The following WSB1 variants were observed in gnomAD, a reference collection of about 807,000 sequenced individuals.
WSB1 encodes the protein WD repeat and SOCS box-containing protein 1.
A neutral mutation model predicts 50.2 loss-of-function variants in WSB1; 23 were observed. The observed-to-expected ratio is 0.46, with a 90% CI of 0.33 to 0.65. The LOEUF (loss-of-function observed/expected upper bound fraction) is 0.65. Ranked by LOEUF, WSB1 falls within the 30% of genes least tolerant of loss-of-function variation. The pLI is 0.02. For synonymous variants in WSB1, 179 were observed against 172.0 expected, an observed-to-expected ratio of 1.04 and a Z score of -0.32; for missense variants, 492 against 522.3, an observed-to-expected ratio of 0.94 and a Z score of 0.56.
intron 4 of WSB1, among the ~76,000 whole-genome samples, chr17:27,305,274 T>C (rs1018677133): frequency 6.6e-6 from 1 of 152,372 alleles, no homozygotes; most frequent in South Asian, 2.1e-4. Flanking sequence ...AGTGAAAATT[T>C]AGGTAGGTCT....
chr17:27,305,946 C>T (rs2017432408), intron 4 of WSB1, among the ~76,000 whole-genome samples: 1 of 152,072 alleles, frequency 6.6e-6, no homozygotes. Context: ...GCCTTATTTC[C>T]AGTTATATCC....
intron 3 of WSB1, among the ~76,000 whole-genome samples, chr17:27,304,574 T>C (rs2017369449): frequency 9.1e-6 from 1 of 110,334 alleles, no homozygotes; most frequent in Non-Finnish European, 1.7e-5. Context: ...AGGCCAGCCG[T>C]GGTGACTTGT....
In WSB1 at chr17:27,301,918, A is replaced by C; in HGVS notation, c.171A>C (p.Thr57=). The change falls in exon 2 of 9, where the codon ACA becomes ACC. Residue 57 remains threonine (T), a synonymous_variant. Transcript: ENST00000262394. ...TTGCTTGGTCACAAGGACATCGCAC[A>C]GTAAAGCTTGTTCCGTGGTCCCAGT... The part of the protein sequence containing the change: ...SYFAWSQGHR[T]VKLVPWSQCL... 6 of 1,608,154 alleles carry C rather than the reference A, an allele frequency of 3.7e-6. No homozygotes were observed. Among genetic ancestry groups the C allele is most frequent in the South Asian group, 1.1e-5 (1 of 90,142 alleles).
Position 27,309,973 on chromosome 17 carries a change from C to G in WSB1, c.885-88C>G, listed in dbSNP as rs554388542. The G allele has an allele frequency of 7.2e-5, 71 of 981,220 alleles. No individual in the cohort carries two copies. The South Asian group carries it at 9.7e-4, about 13-fold the overall frequency. 60.8% of individuals were successfully genotyped at this position (981,220 alleles called of 1,614,324 possible). On this transcript the variant is annotated intron_variant, in intron 6 of 8. Transcript: ENST00000262394. The stretch of plus-strand genomic sequence containing the variant: ...ATATTAATTAAGGCTACTTTAAACA[C>G]TATTCAAAGACAGATGTACTTTGTA...
At chr17:27,307,737 G>A in intron 5 of WSB1, 1 of 1,534,550 alleles carries the variant, frequency 6.5e-7, no homozygotes, top group East Asian at 2.5e-5. Flanking sequence ...TGCTTTCCCT[G>A]TCACAGGTGG....
intron 1 of WSB1, among the ~76,000 whole-genome samples, chr17:27,295,183 C>G (rs1364229460): frequency 6.6e-6 from 1 of 152,208 alleles, no homozygotes; most frequent in Non-Finnish European, 1.5e-5. Flanking sequence ...TTTAAATCCT[C>G]TTTTAAAGTA....
chr17:27,312,305 C>T lies in WSB1; in HGVS notation c.1202C>T (p.Thr401Ile), dbSNP rs747993316. The change falls in exon 9 of 9, where the codon ACC becomes ATC. Residue 401 changes from threonine (T) to isoleucine (I), a missense_variant. Physicochemically the swap from Thr to Ile is moderately conservative, Grantham distance 89 (BLOSUM62 -1). Coordinates refer to ENST00000262394, the MANE Select transcript of WSB1 (RefSeq NM_015626.10). ...ATGTCAATCCGAAGAGTGATGCCCA[C>T]CCAAGAAGTTCAGGAGCTGCCGATT... ...CRMSIRRVMP[T>I]QEVQELPIPS... 1.2e-6 allele frequency: 2 copies of T among 1,614,146 alleles called. No individual in the cohort carries two copies. Among genetic ancestry groups the T allele is most frequent in the Non-Finnish European group, 1.7e-6 (2 of 1,180,024 alleles).
Position 27,314,330 on chromosome 17 carries a change from T to G in WSB1, c.*1961T>G, listed in dbSNP as rs1252169862. Reference sequence around the variant, plus strand: ...TGGCCCACACCTATAATCCCAGCACTTTGGGAGGCCAAGGCAGGTGGGTCA... The same window carrying G: ...TGGCCCACACCTATAATCCCAGCACGTTGGGAGGCCAAGGCAGGTGGGTCA... On this transcript the variant is annotated 3_prime_UTR_variant, in exon 9 of 9. Coordinates refer to ENST00000262394, the MANE Select transcript of WSB1 (RefSeq NM_015626.10). 6.6e-6 allele frequency: 1 copy of G among 152,168 alleles called. No homozygotes were observed. Among genetic ancestry groups the G allele is most frequent in the East Asian group, 1.9e-4 (1 of 5,192 alleles). The allele number at this position is 152,168 out of a possible 1,614,324, so 9.4% of individuals were successfully genotyped here.
At chr17:27,302,644 C>T (rs559118167) in intron 2 of WSB1, 2 of 152,082 alleles carry the variant, frequency 1.3e-5, no homozygotes, top group Non-Finnish European at 1.5e-5. Flanking sequence ...AGGCTGGTCT[C>T]GAACTCCTGA....
intron 1 of WSB1, among the ~76,000 whole-genome samples, chr17:27,297,970 G>A (rs768250512): frequency 1.2e-4 from 18 of 151,812 alleles, no homozygotes; most frequent in African/African-American, 3.1e-4. Context: ...TTAGCTGGGC[G>A]TGGTGGTGGG....
intron 1 of WSB1, among the ~76,000 whole-genome samples, chr17:27,301,470 A>G (rs557507708): frequency 6.0e-4 from 92 of 152,368 alleles, no homozygotes; most frequent in African/African-American, 2.1e-3. Context: ...AATACAATGC[A>G]AAAGTTAGGA....
At chr17:27,307,929 G>A in intron 5 of WSB1, 3 of 1,249,266 alleles carry the variant, frequency 2.4e-6, no homozygotes, top group Non-Finnish European at 2.0e-6. Flanking sequence ...GGTGCTGGTC[G>A]ATGTCCACTT....
intron 2 of WSB1, chr17:27,302,327 C>T (rs1479017416): frequency 2.6e-5 from 4 of 154,436 alleles, no homozygotes; most frequent in Non-Finnish European, 4.2e-5. Context: ...AGAAGAATTG[C>T]TTGAACCCAG....
Position 27,311,631 on chromosome 17 carries a change from CTCTTTTTTTTTTTTTTT to C in WSB1, c.1106+17_1106+33del. On this transcript the variant is annotated intron_variant, in intron 8 of 8. Transcript: ENST00000262394. ...TTAGCTGCTGGGTAAATATATTTTT[CTCTTTTTTTTTTTTTTT>C]TTTTTTTTTTTGAGATGTAGTCTCC... 1 of 537,248 alleles carries C rather than the reference CTCTTTTTTTTTTTTTTT, an allele frequency of 1.9e-6. No homozygotes were observed. The highest frequency in any genetic ancestry group is 4.2e-5 in the East Asian group (1 of 23,836). The allele number at this position is 537,248 out of a possible 1,614,324, so 33.3% of individuals were successfully genotyped here.
At chr17:27,302,902 C>G (rs2017296029) in intron 2 of WSB1, 1 of 158,696 alleles carries the variant, frequency 6.3e-6, no homozygotes, top group Non-Finnish European at 1.4e-5. Context: ...CTAATGTTCT[C>G]ATTACATATA....
rs1340699455 is a variant in WSB1 at position 27,312,891 on chromosome 17, A to C, written c.*522A>C. ...TACTAAAAATACAAAAAAAAAAAAA[A>C]TTAGCCAGGCGTGGTGGTGCACACC... On this transcript the variant is annotated 3_prime_UTR_variant, in exon 9 of 9. Transcript: ENST00000262394. 1 of 152,226 alleles carries C rather than the reference A, an allele frequency of 6.6e-6. No individual in the cohort carries two copies. Among genetic ancestry groups the C allele is most frequent in the Non-Finnish European group, 1.5e-5 (1 of 68,514 alleles). 9.4% of individuals were successfully genotyped at this position (152,226 alleles called of 1,614,324 possible). A position where few individuals can be genotyped will look rare whatever the true frequency, so the allele number is the denominator to read the frequency against.
At chr17:27,295,318 C>T (rs1308624632) in intron 1 of WSB1, among the ~76,000 whole-genome samples, 1 of 152,200 alleles carries the variant, frequency 6.6e-6, no homozygotes, top group Non-Finnish European at 1.5e-5. Flanking sequence ...AGAGCATTTA[C>T]ATTTTCCTAC....
In WSB1 at chr17:27,303,548, TG is replaced by T; in HGVS notation, c.393del (p.Trp131CysfsTer17). The T allele has an allele frequency of 2.5e-6, 4 of 1,614,182 alleles. No homozygotes were observed. The highest frequency in any genetic ancestry group is 3.4e-6 in the Non-Finnish European group (4 of 1,180,024). On this transcript the variant is annotated frameshift_variant, in exon 3 of 9. Coordinates refer to ENST00000262394, the MANE Select transcript of WSB1 (RefSeq NM_015626.10). LOFTEE classifies it high-confidence loss of function. ...EKQSRCVNIE[W>X]HRFRFGQDQL... ...ACAGAGTCGCTGTGTAAATATAGAA[TG>T]GCATCGCTTCAGATTTGGACAAGAT...
Position 27,309,238 on chromosome 17 carries a change from G to T in WSB1, c.850G>T (p.Asp284Tyr). 1 of 1,610,914 alleles carries T rather than the reference G, an allele frequency of 6.2e-7. No individual in the cohort carries two copies. Among genetic ancestry groups the T allele is most frequent in the African/African-American group, 1.3e-5 (1 of 74,990 alleles). ...TTATGATACTCGAGTATATATCTGG[G>T]ATCCACATAATGGAGACATTCTGAT... Reference protein sequence around the residue: ...ASYDTRVYIWDPHNGDILMEF... With the variant: ...ASYDTRVYIWYPHNGDILMEF... Residue 284 changes from aspartate (D) to tyrosine (Y), a missense_variant, in exon 6 of 9, where the codon GAT becomes TAT. By Grantham distance (160) the Asp-to-Tyr change is radical. Coordinates refer to ENST00000262394, the MANE Select transcript of WSB1 (RefSeq NM_015626.10).
Sources: allele counts gnomAD v4.1 joint callset (sites outside exome capture counted in the v4.1 genomes callset), GRCh38; gene constraint gnomAD v4.1.1; transcripts MANE v1.5; gene names NCBI Gene and HGNC (gene_info 2026-07-23, HGNC 2026-07-21).